The following THRB variants were observed in gnomAD, a reference collection of about 807,000 sequenced individuals.
The protein encoded by THRB is nuclear receptor subfamily 1 group A member 2.
In THRB, 12 loss-of-function variants were observed where a neutral mutation model predicts 47.8. That is an observed-to-expected ratio of 0.25 (90% CI 0.16 to 0.41). The LOEUF is 0.41. THRB is among the 10% of genes least tolerant of loss of function. The probability of loss-of-function intolerance (pLI) is 1.00; values close to 1 mark genes in which losing one functional copy is unlikely to be tolerated. For missense variants in THRB, 348 were observed against 589.2 expected, an observed-to-expected ratio of 0.59 and a Z score of 4.24; for synonymous variants, 218 against 212.2, an observed-to-expected ratio of 1.03 and a Z score of -0.24.
intron 3 of THRB, among the ~76,000 whole-genome samples, chr3:24,259,329 T>C (rs2150465097): frequency 6.6e-6 from 1 of 152,274 alleles, no homozygotes; most frequent in East Asian, 1.9e-4. Context: ...AACTACGGCA[T>C]GGAAAAGAGT....
intron 1 of THRB, among the ~76,000 whole-genome samples, chr3:24,363,948 C>A (rs2064258138): frequency 6.6e-6 from 1 of 152,068 alleles, no homozygotes; most frequent in Non-Finnish European, 1.5e-5. Flanking sequence ...ATATGAGTCC[C>A]AAATTATGCA....
At chr3:24,391,817 T>C (rs934681209) in intron 1 of THRB, among the ~76,000 whole-genome samples, 5 of 152,182 alleles carry the variant, frequency 3.3e-5, no homozygotes, top group African/African-American at 9.6e-5. Context: ...GCACTTTCCA[T>C]GTGCCAGAAA....
intron 5 of THRB, among the ~76,000 whole-genome samples, chr3:24,189,754 G>C (rs926255192): frequency 6.6e-6 from 1 of 152,154 alleles, no homozygotes; most frequent in Non-Finnish European, 1.5e-5. Flanking sequence ...ATACAGCGAT[G>C]CCTGTTTCTA....
chr3:24,393,917 G>A (rs999818956), intron 1 of THRB, among the ~76,000 whole-genome samples: 2 of 152,122 alleles, frequency 1.3e-5, no homozygotes. Context: ...GAAACTGGGG[G>A]TCCACCATAT....
At chr3:24,212,532 C>T (rs572337311) in intron 4 of THRB, among the ~76,000 whole-genome samples, 40 of 145,560 alleles carry the variant, frequency 2.7e-4, no homozygotes, top group African/African-American at 8.5e-4. Flanking sequence ...GAGCTGAGAT[C>T]GCACCATTGC....
intron 3 of THRB, among the ~76,000 whole-genome samples, chr3:24,246,589 C>A (rs1420749803): frequency 5.3e-5 from 8 of 152,168 alleles, no homozygotes; most frequent in Non-Finnish European, 1.2e-4. Flanking sequence ...ATTTGCATAA[C>A]TGACTCTTTT....
chr3:24,390,020 A>T (rs1215316582), intron 1 of THRB, among the ~76,000 whole-genome samples: 2 of 152,134 alleles, frequency 1.3e-5, no homozygotes, highest in Non-Finnish European at 2.9e-5. Flanking sequence ...GGAAGGAGGA[A>T]CCAGAGATGT....
At position 24,190,349 on chromosome 3, in the gene THRB, AAC is replaced by A. The variant is rs774152427; in HGVS notation, c.23-17_23-16del. ...AAGGCCATTTTCTAAAGGGTTGAAA[AAC>A]ACGAGATGACGAGCTGTTGGCATTG... On this transcript the variant is annotated splice_polypyrimidine_tract_variant and intron_variant, in intron 4 of 10. Transcript: ENST00000646209. 1.9e-6 allele frequency: 3 copies of A among 1,613,980 alleles called. No homozygotes were observed. The Admixed American group carries it at 5.0e-5, about 27-fold the overall frequency.
intron 4 of THRB, among the ~76,000 whole-genome samples, chr3:24,211,468 G>C (rs826252): frequency 0.26 from 39,529 of 151,968 alleles, 8,063 homozygotes; most frequent in African/African-American, 0.55. Flanking sequence ...TGATACAGCC[G>C]ATTTGTTAGG....
At chr3:24,467,306 G>A (rs778553129) in intron 1 of THRB, among the ~76,000 whole-genome samples, 1 of 152,228 alleles carries the variant, frequency 6.6e-6, no homozygotes, top group Admixed American at 6.5e-5. Context: ...TAAAGTTCTC[G>A]AAGTCATTTG....
intron 3 of THRB, among the ~76,000 whole-genome samples, chr3:24,262,742 C>T (rs2052198565): frequency 6.6e-6 from 1 of 152,198 alleles, no homozygotes; most frequent in Non-Finnish European, 1.5e-5. Context: ...ATCACTTTTC[C>T]ACTTTCTCTC....
chr3:24,448,193 CTT>C (rs1443832816), intron 1 of THRB, among the ~76,000 whole-genome samples: 2 of 152,002 alleles, frequency 1.3e-5, no homozygotes, highest in African/African-American at 4.8e-5. Context: ...CTTGAGTTCT[CTT>C]GGTTTTCACT....
At chr3:24,402,563 AAAG>A (rs2067503483) in intron 1 of THRB, among the ~76,000 whole-genome samples, 1 of 151,356 alleles carries the variant, frequency 6.6e-6, no homozygotes, top group Admixed American at 6.6e-5. Context: ...TAAAAAACAC[AAAG>A]AAGAAAATTA....
chr3:24,166,628 T>C (rs1350853657), intron 5 of THRB, among the ~76,000 whole-genome samples: 1 of 152,160 alleles, frequency 6.6e-6, no homozygotes, highest in African/African-American at 2.4e-5. Flanking sequence ...ATATGCATAG[T>C]TGTAGATCAT....
chr3:24,425,384 T>C (rs2069655474), intron 1 of THRB, among the ~76,000 whole-genome samples: 1 of 151,942 alleles, frequency 6.6e-6, no homozygotes, highest in East Asian at 1.9e-4. Flanking sequence ...TTAATGCCTA[T>C]TTGTATTTCT....
At chr3:24,187,867 A>T (rs939176612) in intron 5 of THRB, among the ~76,000 whole-genome samples, 1 of 152,198 alleles carries the variant, frequency 6.6e-6, no homozygotes, top group East Asian at 1.9e-4. Context: ...AATGGTATTT[A>T]TAAGTTTCTT....
chr3:24,462,186 G>A lies in THRB; in HGVS notation c.-261+32466C>T, dbSNP rs182137163. 3.4e-3 allele frequency among the ~76,000 whole-genome samples: 520 copies of A among 152,200 alleles called. 6 individuals are homozygous for A. The highest frequency in any genetic ancestry group is 0.011 in the African/African-American group (473 of 41,550). ...GCTAAAAAAAAAAAACTTTTCAGCA[G>A]CATGTTATCCCAAAAAGGGCCCCAG... On this transcript the variant is annotated intron_variant, in intron 1 of 10. Transcript: ENST00000646209.
chr3:24,387,881 C>A (rs2066257427), intron 1 of THRB, among the ~76,000 whole-genome samples: 1 of 151,764 alleles, frequency 6.6e-6, no homozygotes, highest in South Asian at 2.1e-4. Context: ...GGCCCAGAGA[C>A]AGGATGGGAC....
intron 9 of THRB, among the ~76,000 whole-genome samples, chr3:24,128,310 A>C (rs1017528840): frequency 1.3e-5 from 2 of 152,212 alleles, no homozygotes; most frequent in South Asian, 4.1e-4. Context: ...TATAAGCTTC[A>C]TCTAAAGTCA....
Sources: gnomAD v4.1 joint callset for allele counts (sites outside exome capture counted in the v4.1 genomes callset) on GRCh38, gnomAD v4.1.1 for gene constraint, MANE v1.5 for transcripts, NCBI Gene and HGNC (gene_info 2026-07-23, HGNC 2026-07-21) for gene names.